SLC12A8: variants seen among roughly 807,000 people sequenced by gnomAD.
SLC12A8 encodes solute carrier family 12 member 8, also known as cation-chloride cotransporter 9.
Under a neutral mutation model 75.6 loss-of-function variants are expected in SLC12A8, and 69 were observed. The ratio of observed to expected loss-of-function variants is 0.91; its 90% CI spans 0.75 to 1.11. The LOEUF (loss-of-function observed/expected upper bound fraction) is 1.11, where lower values mean the gene tolerates loss of function less well. Ranked by LOEUF, SLC12A8 falls within the 50% of genes most tolerant of loss-of-function variation. SLC12A8 has a pLI of 0.00. For missense variants in SLC12A8, 877 were observed against 896.7 expected (o/e 0.98, Z 0.28); for synonymous variants, 365 against 372.8 (o/e 0.98, Z 0.24).
At chr3:125,140,091 A>G (rs1933591736) in intron 5 of SLC12A8, among the ~76,000 whole-genome samples, 2 of 152,196 alleles carry the variant, frequency 1.3e-5, no homozygotes, top group Admixed American at 1.3e-4. Context: ...AGAGTGACAT[A>G]GCCAATAATG....
chr3:125,136,972 G>C (rs576766225), intron 5 of SLC12A8, among the ~76,000 whole-genome samples: 1 of 152,162 alleles, frequency 6.6e-6, no homozygotes, highest in African/African-American at 2.4e-5. Context: ...ATTAACTGTC[G>C]TCCAAGAGAA....
chr3:125,165,325 T>C (rs1934261990), intron 5 of SLC12A8, among the ~76,000 whole-genome samples: 1 of 152,182 alleles, frequency 6.6e-6, no homozygotes. Flanking sequence ...TTTCCAGCCA[T>C]GAGAGGCCAG....
intron 6 of SLC12A8, among the ~76,000 whole-genome samples, chr3:125,124,046 T>C (rs868345174): frequency 4.6e-5 from 7 of 152,280 alleles, no homozygotes; most frequent in Middle Eastern, 3.4e-3. Flanking sequence ...CCAGGTTCTG[T>C]GTAGGCTGCC....
At chr3:125,184,719 T>G (rs912049342) in intron 4 of SLC12A8, among the ~76,000 whole-genome samples, 1 of 151,606 alleles carries the variant, frequency 6.6e-6, no homozygotes, top group African/African-American at 2.4e-5. Context: ...TAACCCAACC[T>G]GTCACCTTAA....
chr3:125,191,368 T>G (rs1468177009), intron 2 of SLC12A8, among the ~76,000 whole-genome samples: 2 of 151,944 alleles, frequency 1.3e-5, no homozygotes, highest in African/African-American at 4.8e-5. Context: ...ACAAAACCAG[T>G]AGTAACTCAC....
intron 10 of SLC12A8, among the ~76,000 whole-genome samples, chr3:125,102,836 G>A (rs751748720): frequency 2.8e-4 from 43 of 152,318 alleles, no homozygotes; most frequent in South Asian, 1.5e-3. Context: ...AAAGGTGACC[G>A]TAGTGACAGA....
intron 5 of SLC12A8, among the ~76,000 whole-genome samples, chr3:125,174,074 A>T (rs997914821): frequency 8.5e-5 from 13 of 152,246 alleles, no homozygotes; most frequent in Admixed American, 6.5e-4. Flanking sequence ...CCTGGGTGAC[A>T]GAACAAGACC....
chr3:125,091,391 TG>T (rs768502675), intron 12 of SLC12A8, 47 bp downstream of exon 12: 15 of 1,219,720 alleles, frequency 1.2e-5, no homozygotes, highest in Non-Finnish European at 1.8e-5. Flanking sequence ...TCCCAATGAA[TG>T]GTAGAGAGAA....
intron 5 of SLC12A8, among the ~76,000 whole-genome samples, chr3:125,167,631 T>C (rs745410675): frequency 2.6e-5 from 4 of 152,194 alleles, no homozygotes; most frequent in Non-Finnish European, 5.9e-5. Flanking sequence ...TTTTAACCAA[T>C]GAGAAAACCA....
At chr3:125,091,173 T>TA (rs1938569637) in intron 12 of SLC12A8, among the ~76,000 whole-genome samples, 1 of 152,228 alleles carries the variant, frequency 6.6e-6, no homozygotes, top group Non-Finnish European at 1.5e-5. Flanking sequence ...CTTACAACAG[T>TA]ATACTTTCAC....
chr3:125,182,949 T>C (rs1934699085), intron 4 of SLC12A8, among the ~76,000 whole-genome samples: 1 of 152,192 alleles, frequency 6.6e-6, no homozygotes, highest in African/African-American at 2.4e-5. Context: ...TTTCATTGTC[T>C]CCAATGTGTT....
intron 10 of SLC12A8, among the ~76,000 whole-genome samples, chr3:125,101,278 T>G (rs1011708558): frequency 5.3e-5 from 8 of 152,220 alleles, no homozygotes; most frequent in African/African-American, 1.9e-4. Flanking sequence ...TTCAGCGAAA[T>G]AGCTCATATT....
intron 13 of SLC12A8, among the ~76,000 whole-genome samples, chr3:125,086,937 T>C (rs966042016): frequency 1.2e-4 from 19 of 152,182 alleles, no homozygotes; most frequent in African/African-American, 4.3e-4. Flanking sequence ...GGCAATTATT[T>C]GTGAAGAGTT....
chr3:125,187,520 C>G lies in SLC12A8; in HGVS notation c.199-92G>C, dbSNP rs1934818677. ...GCATTGACCACCTCCCCTCCTCCCA[C>G]AGCACTGGAATAGGGGCCAGGGGTG... On this transcript the variant is annotated intron_variant, in intron 3 of 13. Transcript: ENST00000469902. 4 of 1,206,586 alleles carry G rather than the reference C, an allele frequency of 3.3e-6. No individual in the cohort carries two copies. The East Asian group carries it at 1.0e-4, about 30-fold the overall frequency. The allele number at this position is 1,206,586 out of a possible 1,614,324, so 74.7% of individuals were successfully genotyped here.
At chr3:125,096,232 C>G (rs148080874) in intron 10 of SLC12A8, among the ~76,000 whole-genome samples, 5 of 152,314 alleles carry the variant, frequency 3.3e-5, no homozygotes, top group Admixed American at 2.0e-4. Context: ...ATTAAAATAT[C>G]ATCTTCCCAG....
chr3:125,178,266 C>T (rs1934582249), intron 4 of SLC12A8, among the ~76,000 whole-genome samples: 1 of 152,168 alleles, frequency 6.6e-6, no homozygotes, highest in Non-Finnish European at 1.5e-5. Context: ...GAAGATGGGA[C>T]ACTGGGCTAA....
chr3:125,207,904 G>C (rs9872582), intron 2 of SLC12A8, among the ~76,000 whole-genome samples: 78,361 of 152,070 alleles, frequency 0.52, 21,182 homozygotes, highest in African/African-American at 0.65. Context: ...CTTAGTGCTT[G>C]TCATGAGAGA....
At chr3:125,092,423 T>C (rs1384979325) in intron 10 of SLC12A8, among the ~76,000 whole-genome samples, 1 of 152,184 alleles carries the variant, frequency 6.6e-6, no homozygotes, top group Non-Finnish European at 1.5e-5. Flanking sequence ...AGGAAGGTCC[T>C]CTGATGCTCA....
chr3:125,128,477 GC>G (rs1228168701), intron 6 of SLC12A8, among the ~76,000 whole-genome samples: 67 of 116,198 alleles, frequency 5.8e-4, no homozygotes, highest in South Asian at 1.4e-3. Context: ...ACCGCGCCCG[GC>G]CTTTTTTTTT....
Sources: allele counts gnomAD v4.1 joint callset (sites outside exome capture counted in the v4.1 genomes callset), GRCh38; gene constraint gnomAD v4.1.1; transcripts MANE v1.5; gene names NCBI Gene and HGNC (gene_info 2026-07-23, HGNC 2026-07-21).